AKAP6: variants seen among roughly 807,000 people sequenced by gnomAD.
The protein encoded by AKAP6 is A-kinase anchor protein 6.
In AKAP6, 58 loss-of-function variants were observed where a neutral mutation model predicts 188.5. The observed-to-expected ratio is 0.31, with a 90% confidence interval of 0.25 to 0.38. AKAP6 has a LOEUF of 0.38. AKAP6 is among the 10% of genes least tolerant of loss of function. The pLI, the probability that AKAP6 is intolerant of heterozygous loss-of-function variation, is 1.00. For synonymous variants in AKAP6, 989 were observed against 998.6 expected, an observed-to-expected ratio of 0.99 and a Z score of 0.18; for missense variants, 2,710 against 2,740.0, an observed-to-expected ratio of 0.99 and a Z score of 0.24.
At chr14:32,431,688 A>G (rs1003419861) in intron 1 of AKAP6, among the ~76,000 whole-genome samples, 4 of 151,882 alleles carry the variant, frequency 2.6e-5, no homozygotes, top group African/African-American at 9.7e-5. Flanking sequence ...AATTTTTGGT[A>G]TTTTTAGTAG....
At chr14:32,764,675 A>G (rs752855844) in intron 11 of AKAP6, among the ~76,000 whole-genome samples, 27 of 146,152 alleles carry the variant, frequency 1.8e-4, no homozygotes, top group Non-Finnish European at 3.3e-4. Flanking sequence ...CTCGTTTGTC[A>G]AATAGATAGA....
chr14:32,657,404 T>C (rs1332357665), intron 7 of AKAP6, among the ~76,000 whole-genome samples: 1 of 152,150 alleles, frequency 6.6e-6, no homozygotes, highest in African/African-American at 2.4e-5. Context: ...CAAATGAGCC[T>C]ACAAATCTGT....
At chr14:32,558,663 C>A (rs8012507) in intron 4 of AKAP6, among the ~76,000 whole-genome samples, 42,722 of 152,022 alleles carry the variant, frequency 0.28, 6,024 homozygotes, top group East Asian at 0.37. Context: ...CCCCAAAATA[C>A]AATAAGATAG....
At chr14:32,624,244 C>G (rs976481284) in intron 7 of AKAP6, among the ~76,000 whole-genome samples, 2 of 152,062 alleles carry the variant, frequency 1.3e-5, no homozygotes, top group Non-Finnish European at 2.9e-5. Context: ...TAAATGACAA[C>G]AAAGCACAGG....
At chr14:32,674,929 G>A (rs1402330694) in intron 7 of AKAP6, among the ~76,000 whole-genome samples, 1 of 152,120 alleles carries the variant, frequency 6.6e-6, no homozygotes. Flanking sequence ...AATGAATTTT[G>A]GGAGGGAGAA....
rs1566748434 is a variant in AKAP6, at chr14:32,836,983, T to C, written c.*7178T>C. On this transcript the variant is annotated 3_prime_UTR_variant, in exon 14 of 14. Coordinates refer to ENST00000280979, the MANE Select transcript of AKAP6 (RefSeq NM_004274.5). Reference sequence around the variant, plus strand: ...GTCCTGATGACTTGGTCGAGGTAACTTGCTTTGCCCACTGTTAACTACAGA... The same window carrying C: ...GTCCTGATGACTTGGTCGAGGTAACCTGCTTTGCCCACTGTTAACTACAGA... 6.6e-6 allele frequency: 1 copy of C among 152,230 alleles called. No individual in the cohort carries two copies. The highest frequency in any genetic ancestry group is 6.5e-5 in the Admixed American group (1 of 15,286). The allele number at this position is 152,230 out of a possible 1,614,324, so 9.4% of individuals were successfully genotyped here. A position where few individuals can be genotyped will look rare whatever the true frequency, so the allele number is the denominator to read the frequency against.
chr14:32,567,592 C>G (rs573264336), intron 4 of AKAP6, among the ~76,000 whole-genome samples: 109 of 152,128 alleles, frequency 7.2e-4, no homozygotes, highest in African/African-American at 2.5e-3. Flanking sequence ...TATATATTCC[C>G]TGGAGGAAAT....
In AKAP6 at chr14:32,828,527, TCTCACACACACACA is replaced by T. The variant is rs1398663148; in HGVS notation, c.*43-1319_*43-1306del. Among the ~76,000 whole-genome samples, 92 of 76,648 alleles carry T rather than the reference TCTCACACACACACA, an allele frequency of 1.2e-3. No homozygotes were observed. The South Asian group carries it at 0.02, about 17-fold the overall frequency. 50.3% of individuals were successfully genotyped at this position (76,648 alleles called of 152,430 possible). A position where few individuals can be genotyped will look rare whatever the true frequency, so the allele number is the denominator to read the frequency against. On this transcript the variant is annotated intron_variant, in intron 13 of 13. Coordinates refer to ENST00000280979, the MANE Select transcript of AKAP6 (RefSeq NM_004274.5). ...ATCTATCTCTCTCTCTCTCTCTCTCTCTCACACACACACACACACACACACACACACACACACAC... is the reference window on the plus strand; with the variant it reads ...ATCTATCTCTCTCTCTCTCTCTCTCTCACACACACACACACACACACACAC...
At chr14:32,688,375 T>A (rs572192604) in intron 8 of AKAP6, among the ~76,000 whole-genome samples, 13 of 152,190 alleles carry the variant, frequency 8.5e-5, no homozygotes, top group African/African-American at 2.6e-4. Context: ...CAACAAAGGA[T>A]CTGAGTCAAC....
At chr14:32,734,619 C>T (rs2031330378) in intron 10 of AKAP6, 1 of 152,106 alleles carries the variant, frequency 6.6e-6, no homozygotes, top group Admixed American at 6.6e-5. Context: ...CCCTACCCTC[C>T]AAGGGCATTG....
chr14:32,803,362 A>G lies in AKAP6; in HGVS notation c.3589-18040A>G, dbSNP rs1053868733. Among the ~76,000 whole-genome samples the G allele has an allele frequency of 1.6e-3, 240 of 152,036 alleles. 5 individuals carry two copies. Among genetic ancestry groups the G allele is most frequent in the Non-Finnish European group, 3.4e-4 (23 of 67,998 alleles). On this transcript the variant is annotated intron_variant, in intron 12 of 13. Coordinates refer to ENST00000280979, the MANE Select transcript of AKAP6 (RefSeq NM_004274.5). ...ATATAATGCTGATCATGTCGGGTAT[A>G]CATAACAAGCCATCAAATATTTACA...
chr14:32,512,277 CGTTG>C (rs1404585544), intron 2 of AKAP6, among the ~76,000 whole-genome samples: 1 of 152,106 alleles, frequency 6.6e-6, no homozygotes, highest in Non-Finnish European at 1.5e-5. Context: ...AAACTCCACT[CGTTG>C]TTTGATATGA....
intron 9 of AKAP6, among the ~76,000 whole-genome samples, chr14:32,706,159 A>G (rs1029905292): frequency 6.6e-6 from 1 of 152,148 alleles, no homozygotes; most frequent in Non-Finnish European, 1.5e-5. Flanking sequence ...TCGCCTGCTC[A>G]TTGTTGCCCC....
chr14:32,795,514 C>T (rs1292265028), intron 12 of AKAP6, among the ~76,000 whole-genome samples: 1 of 152,102 alleles, frequency 6.6e-6, no homozygotes, highest in Non-Finnish European at 1.5e-5. Flanking sequence ...TGATTCATCA[C>T]ATAAACAGAA....
intron 2 of AKAP6, among the ~76,000 whole-genome samples, chr14:32,457,637 T>A (rs1028565464): frequency 2.0e-5 from 3 of 152,162 alleles, no homozygotes; most frequent in Non-Finnish European, 2.9e-5. Flanking sequence ...TTCCTCCCTG[T>A]GTGCTGCTGG....
intron 1 of AKAP6, among the ~76,000 whole-genome samples, chr14:32,378,941 C>A (rs1334150604): frequency 2.2e-5 from 3 of 136,782 alleles, no homozygotes; most frequent in Non-Finnish European, 4.6e-5. Context: ...TTTTTGAGAC[C>A]GAATTTCACT....
chr14:32,446,572 A>C (rs985213659), intron 2 of AKAP6, among the ~76,000 whole-genome samples: 3 of 151,328 alleles, frequency 2.0e-5, no homozygotes, highest in Non-Finnish European at 2.9e-5. Context: ...TTGTTAGAAA[A>C]TGATAAGTTT....
chr14:32,427,663 GTTTC>G (rs1350761071), intron 1 of AKAP6, among the ~76,000 whole-genome samples: 1 of 152,178 alleles, frequency 6.6e-6, no homozygotes, highest in Admixed American at 6.5e-5. Flanking sequence ...CACCTCTGGA[GTTTC>G]TTTCTCCTTA....
intron 9 of AKAP6, among the ~76,000 whole-genome samples, chr14:32,712,022 T>A (rs1281422751): frequency 6.6e-6 from 1 of 151,990 alleles, no homozygotes; most frequent in Non-Finnish European, 1.5e-5. Context: ...ATCAGAATTT[T>A]AAGACTTAAT....
Sources: allele counts gnomAD v4.1 joint callset (sites outside exome capture counted in the v4.1 genomes callset), GRCh38; gene constraint gnomAD v4.1.1; transcripts MANE v1.5; gene names NCBI Gene and HGNC (gene_info 2026-07-23, HGNC 2026-07-21).